Variants in PLPP4 observed in about 807,000 individuals in gnomAD.
The protein encoded by PLPP4 is diacylglycerol pyrophosphate like 2.
PLPP4 carries 20 observed loss-of-function variants against 32.2 expected under a neutral mutation model. The observed-to-expected ratio is 0.62, with a 90% CI of 0.44 to 0.90. The LOEUF (loss-of-function observed/expected upper bound fraction) is 0.90, where lower values mean the gene tolerates loss of function less well. Among genes scored for constraint, PLPP4 ranks in the 40% least tolerant of loss-of-function variants. The pLI, the probability that PLPP4 is intolerant of heterozygous loss-of-function variation, is 0.00. For synonymous variants in PLPP4, 127 were observed against 133.0 expected, an observed-to-expected ratio of 0.95 and a Z score of 0.31; for missense variants, 257 against 353.1, an observed-to-expected ratio of 0.73 and a Z score of 2.18.
At chr10:120,459,837 C>T (rs1032758367) in intron 1 of PLPP4, among the ~76,000 whole-genome samples, 6 of 152,202 alleles carry the variant, frequency 3.9e-5, no homozygotes, top group Admixed American at 3.3e-4. Flanking sequence ...AGCAGGGATC[C>T]TGTTACCCGT....
At chr10:120,553,729 C>T (rs1848017195) in intron 5 of PLPP4, among the ~76,000 whole-genome samples, 2 of 152,222 alleles carry the variant, frequency 1.3e-5, no homozygotes, top group South Asian at 4.1e-4. Flanking sequence ...AGCTTGCACC[C>T]TCTCAAGGAA....
chr10:120,484,695 A>G (rs1589745220), intron 1 of PLPP4, among the ~76,000 whole-genome samples: 2 of 152,316 alleles, frequency 1.3e-5, no homozygotes, highest in African/African-American at 4.8e-5. Flanking sequence ...CCAACACATG[A>G]ACTTTGGGGG....
At chr10:120,466,286 A>C (rs1315146144) in intron 1 of PLPP4, among the ~76,000 whole-genome samples, 1 of 152,102 alleles carries the variant, frequency 6.6e-6, no homozygotes, top group East Asian at 1.9e-4. Context: ...TTGCACCCCT[A>C]CGTATATATG....
At chr10:120,580,006 G>C (rs926833310) in intron 6 of PLPP4, among the ~76,000 whole-genome samples, 2 of 150,046 alleles carry the variant, frequency 1.3e-5, no homozygotes, top group African/African-American at 4.9e-5. Context: ...TGTAGTCCCA[G>C]CTACTCGGGA....
chr10:120,581,676 C>T (rs775985249), intron 6 of PLPP4, among the ~76,000 whole-genome samples: 27 of 152,248 alleles, frequency 1.8e-4, no homozygotes, highest in Admixed American at 6.5e-5. Context: ...CACCTTGTGC[C>T]TGGAATGCTC....
intron 1 of PLPP4, among the ~76,000 whole-genome samples, chr10:120,497,407 T>G (rs973449488): frequency 8.6e-5 from 13 of 152,036 alleles, no homozygotes; most frequent in Admixed American, 8.5e-4. Context: ...CTCACTTAAT[T>G]TCAGGCAGTG....
At chr10:120,472,320 T>A (rs191061594) in intron 1 of PLPP4, among the ~76,000 whole-genome samples, 67 of 152,234 alleles carry the variant, frequency 4.4e-4, no homozygotes, top group Middle Eastern at 6.8e-3. Flanking sequence ...TTAATATCTT[T>A]ATTTTGCCTT....
intron 5 of PLPP4, among the ~76,000 whole-genome samples, chr10:120,556,448 G>A (rs1269321038): frequency 6.6e-6 from 1 of 152,222 alleles, no homozygotes; most frequent in African/African-American, 2.4e-5. Flanking sequence ...TGTGAATGCA[G>A]GGAGTGTTCA....
At chr10:120,545,988 C>T (rs988223617) in intron 5 of PLPP4, among the ~76,000 whole-genome samples, 17 of 152,134 alleles carry the variant, frequency 1.1e-4, no homozygotes, top group African/African-American at 3.4e-4. Context: ...CTAGATGCTT[C>T]CTGCCCTTGA....
chr10:120,539,664 T>A (rs890606437), intron 5 of PLPP4, among the ~76,000 whole-genome samples: 3 of 152,148 alleles, frequency 2.0e-5, no homozygotes, highest in African/African-American at 7.2e-5. Flanking sequence ...AAGCAGACAT[T>A]TTCAGAAGGT....
intron 3 of PLPP4, among the ~76,000 whole-genome samples, chr10:120,514,386 C>CA (rs1292552110): frequency 1.3e-5 from 2 of 152,184 alleles, no homozygotes; most frequent in African/African-American, 4.8e-5. Context: ...GGCAATTCAG[C>CA]AATCAACCAC....
At chr10:120,531,935 A>G (rs1846756333) in intron 5 of PLPP4, among the ~76,000 whole-genome samples, 1 of 151,782 alleles carries the variant, frequency 6.6e-6, no homozygotes, top group South Asian at 2.1e-4. Flanking sequence ...TTATACTTTT[A>G]AGTTCTGGGA....
intron 3 of PLPP4, among the ~76,000 whole-genome samples, chr10:120,515,122 C>T (rs77768841): frequency 0.02 from 2,994 of 152,164 alleles, 96 homozygotes; most frequent in African/African-American, 0.069. Context: ...CTACTTGAAA[C>T]GAACAGAATC....
chr10:120,580,165 A>ACACAGCTCT (rs1396279093), intron 6 of PLPP4, among the ~76,000 whole-genome samples: 2 of 151,532 alleles, frequency 1.3e-5, no homozygotes, highest in Non-Finnish European at 2.9e-5. Flanking sequence ...AGAAGTGGGA[A>ACACAGCTCT]CACAGCTCTC....
intron 5 of PLPP4, among the ~76,000 whole-genome samples, chr10:120,525,063 C>G (rs1457459863): frequency 1.3e-5 from 2 of 152,158 alleles, no homozygotes; most frequent in Non-Finnish European, 2.9e-5. Flanking sequence ...GCATGTGGAC[C>G]AAGTCCAGTG....
intron 1 of PLPP4, among the ~76,000 whole-genome samples, chr10:120,463,243 G>A (rs961161696): frequency 6.6e-6 from 1 of 151,992 alleles, no homozygotes; most frequent in East Asian, 1.9e-4. Context: ...AGCCAGGATG[G>A]TCTCGATCTC....
chr10:120,531,337 C>T (rs1181625258), intron 5 of PLPP4, among the ~76,000 whole-genome samples: 1 of 152,224 alleles, frequency 6.6e-6, no homozygotes, highest in South Asian at 2.1e-4. Flanking sequence ...ATCTCTTGAC[C>T]TCATGATCCG....
At chr10:120,492,802 C>T (rs1440446113) in intron 1 of PLPP4, among the ~76,000 whole-genome samples, 2 of 152,172 alleles carry the variant, frequency 1.3e-5, no homozygotes, top group Non-Finnish European at 2.9e-5. Flanking sequence ...TGAAAAATTC[C>T]AAATATTTAG....
chr10:120,491,791 G>C lies in PLPP4; in HGVS notation c.57-12027G>C, dbSNP rs117345476. 7.7e-3 allele frequency among the ~76,000 whole-genome samples: 1,175 copies of C among 152,050 alleles called. 9 individuals are homozygous for C. Among genetic ancestry groups the C allele is most frequent in the Non-Finnish European group, 0.01 (688 of 68,014 alleles). On this transcript the variant is annotated intron_variant, in intron 1 of 6. Transcript: ENST00000398250. ...ATGGCATCATGTCTGTATATACTTT[G>C]ATATGGAATTTTAATCTCTAAGAAC... is the stretch of plus-strand genomic sequence containing the variant.
Sources: allele counts gnomAD v4.1 joint callset (sites outside exome capture counted in the v4.1 genomes callset), GRCh38; gene constraint gnomAD v4.1.1; transcripts MANE v1.5; gene names NCBI Gene and HGNC (gene_info 2026-07-23, HGNC 2026-07-21).